The following LRP1B variants were observed in gnomAD, a reference collection of about 807,000 sequenced individuals.
LRP1B encodes the protein low-density lipoprotein receptor-related protein 1B.
A neutral mutation model predicts 556.6 loss-of-function variants in LRP1B; 217 were observed. The observed-to-expected ratio is 0.39, with a 90% CI of 0.35 to 0.44. The LOEUF is 0.44. Among genes scored for constraint, LRP1B ranks in the 20% least tolerant of loss-of-function variants. The pLI, the probability that LRP1B is intolerant of heterozygous loss-of-function variation, is 1.00. For synonymous variants in LRP1B, 2,047 were observed against 1,865.8 expected, an observed-to-expected ratio of 1.10 and a Z score of -2.50; for missense variants, 5,053 against 5,620.8, an observed-to-expected ratio of 0.90 and a Z score of 3.23.
At chr2:141,254,816 T>C (rs1289265456) in intron 3 of LRP1B, among the ~76,000 whole-genome samples, 175 bp from the exon 4 acceptor site, 2 of 152,146 alleles carry the variant, frequency 1.3e-5, no homozygotes, top group Non-Finnish European at 2.9e-5. Context: ...GCTTGAATTA[T>C]TGTAAATAAA....
chr2:140,416,331 A>G (rs1465993422), intron 66 of LRP1B, among the ~76,000 whole-genome samples: 1 of 152,144 alleles, frequency 6.6e-6, no homozygotes, highest in African/African-American at 2.4e-5. Flanking sequence ...ATTAGCAGAT[A>G]ATAAATCAAT....
chr2:140,551,656 C>T (rs1680552713), intron 43 of LRP1B, among the ~76,000 whole-genome samples: 2 of 152,174 alleles, frequency 1.3e-5, no homozygotes, highest in Non-Finnish European at 2.9e-5. Flanking sequence ...GCTGTACAGA[C>T]TAGCTTAGAT....
At chr2:141,200,892 C>A (rs368961307) in intron 6 of LRP1B, among the ~76,000 whole-genome samples, 1 of 152,250 alleles carries the variant, frequency 6.6e-6, no homozygotes, top group African/African-American at 2.4e-5. Context: ...TTTGCAATAG[C>A]CTTTGCTCAA....
intron 41 of LRP1B, among the ~76,000 whole-genome samples, chr2:140,625,582 G>A (rs562356148): frequency 6.6e-6 from 1 of 152,238 alleles, no homozygotes; most frequent in South Asian, 2.1e-4. Context: ...TGCCTTAACA[G>A]ACACCTCATC....
At chr2:141,509,210 T>C (rs1187253762) in intron 2 of LRP1B, among the ~76,000 whole-genome samples, 1 of 152,116 alleles carries the variant, frequency 6.6e-6, no homozygotes, top group African/African-American at 2.4e-5. Flanking sequence ...TATGCAAACT[T>C]GAAACAGCCC....
intron 43 of LRP1B, among the ~76,000 whole-genome samples, chr2:140,579,796 C>T (rs977623181): frequency 2.6e-5 from 4 of 152,100 alleles, no homozygotes; most frequent in African/African-American, 7.2e-5. Context: ...GAACCGAGAT[C>T]GCGCCACTGC....
At chr2:142,113,134 T>G (rs1447836150) in intron 1 of LRP1B, among the ~76,000 whole-genome samples, 2 of 152,030 alleles carry the variant, frequency 1.3e-5, no homozygotes, top group African/African-American at 4.8e-5. Context: ...AGAGGCTAAG[T>G]GACTTGCCCA....
At chr2:140,773,133 G>A (rs1573698334) in intron 33 of LRP1B, among the ~76,000 whole-genome samples, 1 of 151,826 alleles carries the variant, frequency 6.6e-6, no homozygotes, top group African/African-American at 2.4e-5. Flanking sequence ...AAGAAGTAAA[G>A]AGAAATAGGT....
intron 2 of LRP1B, among the ~76,000 whole-genome samples, chr2:141,715,162 A>G (rs1332737867): frequency 6.6e-6 from 1 of 152,114 alleles, no homozygotes; most frequent in Non-Finnish European, 1.5e-5. Flanking sequence ...CTTGACTCAA[A>G]ATGAACATTA....
chr2:140,584,874 G>C (rs1274466008), intron 43 of LRP1B, among the ~76,000 whole-genome samples: 1 of 138,322 alleles, frequency 7.2e-6, no homozygotes, highest in Non-Finnish European at 1.6e-5. Flanking sequence ...TTTGATTTTG[G>C]CCTTTTCTTT....
At chr2:141,105,442 A>T (rs1170802492) in intron 7 of LRP1B, among the ~76,000 whole-genome samples, 1 of 152,170 alleles carries the variant, frequency 6.6e-6, no homozygotes, top group Non-Finnish European at 1.5e-5. Context: ...TTTTTAAAGA[A>T]CTAATTTTTC....
intron 3 of LRP1B, among the ~76,000 whole-genome samples, chr2:141,377,572 C>T (rs1328630606): frequency 2.0e-5 from 3 of 151,962 alleles, no homozygotes; most frequent in African/African-American, 7.2e-5. Context: ...TTAACTAGTT[C>T]AAAAATTCAC....
chr2:140,926,682 A>T (rs1310725878), intron 20 of LRP1B, among the ~76,000 whole-genome samples: 1 of 152,152 alleles, frequency 6.6e-6, no homozygotes, highest in East Asian at 1.9e-4. Context: ...CTTTAAAAAA[A>T]TACCTAGGAT....
intron 27 of LRP1B, among the ~76,000 whole-genome samples, chr2:140,855,809 C>A (rs894179284): frequency 6.6e-6 from 1 of 152,082 alleles, no homozygotes; most frequent in South Asian, 2.1e-4. Context: ...GCCTGGCCCA[C>A]AGAGCGAGAC....
At position 140,552,061 on chromosome 2, in the gene LRP1B, AG is replaced by A. The variant is rs113422874; in HGVS notation, c.7195-10091del. Among the ~76,000 whole-genome samples the A allele has an allele frequency of 4.7e-3, 718 of 152,258 alleles. 7 individuals carry two copies. Among genetic ancestry groups the A allele is most frequent in the African/African-American group, 0.017 (690 of 41,566 alleles). ...TACAACGTCAGACTCGAAGCATCCA[AG>A]ATTTGAATTAATTTTGACTTGGTGA... On this transcript the variant is annotated intron_variant, in intron 43 of 90. Transcript: ENST00000389484.
chr2:140,859,234 A>G (rs1692713159), intron 27 of LRP1B, among the ~76,000 whole-genome samples: 1 of 152,026 alleles, frequency 6.6e-6, no homozygotes, highest in Non-Finnish European at 1.5e-5. Context: ...TTTGACAAAA[A>G]AGAAAAAAAA....
chr2:141,936,315 T>G (rs1700634784), intron 1 of LRP1B, among the ~76,000 whole-genome samples: 1 of 152,196 alleles, frequency 6.6e-6, no homozygotes, highest in Admixed American at 6.5e-5. Flanking sequence ...ATGATATGTC[T>G]ATGTAGAAAA....
At chr2:141,892,408 A>T (rs1699318621) in intron 1 of LRP1B, among the ~76,000 whole-genome samples, 1 of 152,038 alleles carries the variant, frequency 6.6e-6, no homozygotes. Flanking sequence ...TTTTTTAAAA[A>T]AACATGGAAC....
chr2:141,280,551 T>TAATA (rs1240486053), intron 3 of LRP1B, among the ~76,000 whole-genome samples: 1 of 151,968 alleles, frequency 6.6e-6, no homozygotes, highest in Non-Finnish European at 1.5e-5. Context: ...AACAACTTAA[T>TAATA]AATAAATAAT....
Sources: allele counts gnomAD v4.1 joint callset (sites outside exome capture counted in the v4.1 genomes callset), GRCh38; gene constraint gnomAD v4.1.1; transcripts MANE v1.5; gene names NCBI Gene and HGNC (gene_info 2026-07-23, HGNC 2026-07-21).